The following CD99L2 variants were observed in gnomAD, a reference collection of about 807,000 sequenced individuals.
CD99L2 encodes the protein CD99 molecule like 2.
A neutral mutation model predicts 27.3 loss-of-function variants in CD99L2; 24 were observed. The ratio of observed to expected loss-of-function variants is 0.88; its 90% CI spans 0.64 to 1.24. CD99L2 has a LOEUF of 1.24. CD99L2 is among the 50% of genes most tolerant of loss of function. CD99L2 has a pLI of 0.00. For missense variants in CD99L2, 255 were observed against 221.6 expected, an observed-to-expected ratio of 1.15 and a Z score of -0.96; for synonymous variants, 97 against 87.9, an observed-to-expected ratio of 1.10 and a Z score of -0.58.
intron 6 of CD99L2, 37 bp downstream of exon 6, chrX:150,795,169 T>A (rs782206192): frequency 8.4e-7 from 1 of 1,195,730 alleles, no homozygotes; most frequent in African/African-American, 1.8e-5. Flanking sequence ...TGGGATGATG[T>A]AATTAATGAG....
intron 1 of CD99L2, among the ~76,000 whole-genome samples, chrX:150,838,466 T>C (rs1222252677): frequency 9.0e-6 from 1 of 111,681 alleles, no homozygotes; most frequent in Non-Finnish European, 1.9e-5. Flanking sequence ...ATATGGGAAC[T>C]CTGTCCTAGC....
chrX:150,826,854 T>C (rs2046375207), intron 2 of CD99L2, among the ~76,000 whole-genome samples: 1 of 111,455 alleles, frequency 9.0e-6, no homozygotes, highest in Admixed American at 9.5e-5. Flanking sequence ...GCTGATCTCT[T>C]GGCCTCGAAG....
intron 7 of CD99L2, 140 bp from the exon 8 acceptor site, chrX:150,777,622 G>C (rs1557419311): frequency 1.7e-6 from 1 of 601,919 alleles, no homozygotes; most frequent in Non-Finnish European, 2.6e-6. Context: ...TCACCCGTAG[G>C]CTTCTACTGG....
At chrX:150,829,750 T>C (rs1201654717) in intron 2 of CD99L2, 2 of 204,806 alleles carry the variant, frequency 9.8e-6, no homozygotes, top group Non-Finnish European at 1.8e-5. Flanking sequence ...TGAAAACTAA[T>C]TGGGATCAAC....
At chrX:150,824,674 GGAAGAA>G (rs1159626644) in intron 2 of CD99L2, among the ~76,000 whole-genome samples, 5 of 26,541 alleles carry the variant, frequency 1.9e-4, no homozygotes, top group African/African-American at 5.5e-4. Flanking sequence ...AAGAGGAAGA[GGAAGAA>G]GAAGAAGAGG....
At chrX:150,837,059 T>G (rs1557421223) in intron 1 of CD99L2, among the ~76,000 whole-genome samples, 1 of 111,179 alleles carries the variant, frequency 9.0e-6, no homozygotes, top group Non-Finnish European at 1.9e-5. Flanking sequence ...CCTTGCTCTG[T>G]CAACTGGACG....
intron 7 of CD99L2, among the ~76,000 whole-genome samples, chrX:150,783,053 C>T (rs188055236): frequency 1.9e-5 from 2 of 107,489 alleles, no homozygotes; most frequent in Admixed American, 2.0e-4. Context: ...AATGCTGGTG[C>T]GTGCTACAAC....
intron 4 of CD99L2, among the ~76,000 whole-genome samples, chrX:150,797,584 A>G (rs917116643): frequency 8.9e-6 from 1 of 112,554 alleles, no homozygotes; most frequent in African/African-American, 3.2e-5. Flanking sequence ...TCATCCTAAA[A>G]TTCACATGGA....
chrX:150,777,872 C>G (rs1557419325), intron 7 of CD99L2, among the ~76,000 whole-genome samples: 1 of 112,294 alleles, frequency 8.9e-6, no homozygotes, highest in East Asian at 2.8e-4. Flanking sequence ...TTGAGTGCCA[C>G]CACCACGGGT....
intron 2 of CD99L2, chrX:150,829,740 T>G (rs2046413137): frequency 4.8e-6 from 1 of 206,540 alleles, no homozygotes; most frequent in African/African-American, 3.0e-5. Context: ...CTAACAGCAT[T>G]GAAAACTAAT....
In CD99L2 at chrX:150,831,273, A is replaced by G; in HGVS notation, c.88T>C (p.Phe30Leu). Residue 30 changes from phenylalanine (F) to leucine (L), a missense_variant, in exon 2 of 11, where the codon TTT (phenylalanine) becomes CTT (leucine). Physicochemically the swap from Phe to Leu is conservative, Grantham distance 22. Coordinates refer to ENST00000370377, the MANE Select transcript of CD99L2 (RefSeq NM_031462.4). ...TCTTTCACTGCATCCTCCAGGTTAA[A>G]ATCATCAAAGTCCCCAGATCCTAAA... ...VQRGSGDFDD[F>L]NLEDAVKETS... 8.3e-7 allele frequency: 1 copy of G among 1,204,698 alleles called. No homozygotes were observed. Among genetic ancestry groups the G allele is most frequent in the Non-Finnish European group, 1.1e-6 (1 of 891,334 alleles).
chrX:150,881,781 T>C (rs1399880474), intron 1 of CD99L2, among the ~76,000 whole-genome samples: 1 of 111,163 alleles, frequency 9.0e-6, no homozygotes, highest in Admixed American at 9.6e-5. Context: ...ATTTCCTTAA[T>C]TGGCTCCCTT....
intron 1 of CD99L2, among the ~76,000 whole-genome samples, chrX:150,837,252 A>AT (rs1169617487): frequency 0.014 from 1,476 of 103,076 alleles, 26 homozygotes; most frequent in African/African-American, 0.041. Flanking sequence ...AAGTATTATT[A>AT]TTTTTTTTTT....
intron 1 of CD99L2, among the ~76,000 whole-genome samples, chrX:150,879,750 TAAAAAAAAAAAAAAA>T (rs60706288): frequency 5.2e-5 from 1 of 19,388 alleles, no homozygotes; most frequent in African/African-American, 2.3e-4. Flanking sequence ...CTACAAAAAC[TAAAAAAAAAAAAAAA>T]AAAAAAAAAA....
At chrX:150,892,906 G>A (rs373807612) in intron 1 of CD99L2, among the ~76,000 whole-genome samples, 3 of 111,665 alleles carry the variant, frequency 2.7e-5, no homozygotes, top group African/African-American at 9.8e-5. Flanking sequence ...TGGAACACCC[G>A]AGGTCAGGAG....
At chrX:150,852,174 C>T (rs782788559) in intron 1 of CD99L2, among the ~76,000 whole-genome samples, 1 of 112,057 alleles carries the variant, frequency 8.9e-6, no homozygotes, top group East Asian at 2.8e-4. Context: ...CTAAAAGGGG[C>T]CAACTCTGGA....
intron 2 of CD99L2, among the ~76,000 whole-genome samples, chrX:150,824,177 A>AAGGAGGAGGAGGAGGAGGAGAAGGAGG (rs1286633969): frequency 8.0e-5 from 1 of 12,455 alleles, no homozygotes; most frequent in African/African-American, 1.7e-4. Context: ...GGAGGAGGAG[A>AAGGAGGAGGAGGAGGAGGAGAAGGAGG]AGGAGGAGGA....
chrX:150,793,847 A>G (rs2045739764), intron 6 of CD99L2, 91 bp from the exon 7 acceptor site: 13 of 729,652 alleles, frequency 1.8e-5, no homozygotes, highest in Non-Finnish European at 2.6e-5. Flanking sequence ...TCAGAAAATG[A>G]TTCCCAGTTC....
At chrX:150,794,367 A>T (rs1236662448) in intron 6 of CD99L2, among the ~76,000 whole-genome samples, 1 of 112,084 alleles carries the variant, frequency 8.9e-6, no homozygotes, top group Non-Finnish European at 1.9e-5. Flanking sequence ...CAGCTATATG[A>T]GCTCCTGAGC....
Sources: allele counts gnomAD v4.1 joint callset (sites outside exome capture counted in the v4.1 genomes callset), GRCh38; gene constraint gnomAD v4.1.1; transcripts MANE v1.5; gene names NCBI Gene and HGNC (gene_info 2026-07-23, HGNC 2026-07-21).